The following GPC6 variants were observed in gnomAD, a reference collection of about 807,000 sequenced individuals.
The protein encoded by GPC6 is glypican 6, also known as glypican-6.
A neutral mutation model predicts 55.2 loss-of-function variants in GPC6; 14 were observed. That is an observed-to-expected ratio of 0.25 (90% CI 0.17 to 0.40). The LOEUF (loss-of-function observed/expected upper bound fraction) is 0.40. Among genes scored for constraint, GPC6 ranks in the 10% least tolerant of loss-of-function variants. The probability of loss-of-function intolerance (pLI) is 1.00; values close to 1 mark genes in which losing one functional copy is unlikely to be tolerated. For missense variants in GPC6, 641 were observed against 708.5 expected (o/e 0.90, Z 1.08); for synonymous variants, 278 against 259.6 (o/e 1.07, Z -0.68).
rs1042530471 is a variant in GPC6, at chr13:94,274,518, A to T, written c.878-11831A>T. On this transcript the variant is annotated intron_variant, in intron 4 of 8. Transcript: ENST00000377047. The stretch of plus-strand genomic sequence containing the variant: ...TGGGTACTATGATTTCTGTAGCTAC[A>T]TCTGATTCCTGTCATGGTGTGATCT... 1.3e-4 allele frequency among the ~76,000 whole-genome samples: 20 copies of T among 152,294 alleles called. 1 individual carries two copies. In the East Asian group the frequency reaches 3.9e-3, roughly 29 times the overall value.
intron 2 of GPC6, among the ~76,000 whole-genome samples, chr13:93,716,657 A>G (rs1451216491): frequency 6.6e-6 from 1 of 151,664 alleles, no homozygotes; most frequent in Admixed American, 6.6e-5. Context: ...AAACATTACA[A>G]TAAACTAAGG....
At chr13:93,758,532 GATA>G (rs1298782048) in intron 2 of GPC6, among the ~76,000 whole-genome samples, 2 of 151,852 alleles carry the variant, frequency 1.3e-5, no homozygotes, top group Non-Finnish European at 2.9e-5. Flanking sequence ...TGAGTGTTTT[GATA>G]ATAATCTCTG....
At chr13:93,989,335 C>T (rs191485946) in intron 3 of GPC6, among the ~76,000 whole-genome samples, 4 of 152,188 alleles carry the variant, frequency 2.6e-5, no homozygotes, top group Admixed American at 1.3e-4. Flanking sequence ...ATTGCCAGAG[C>T]CTATACTGAA....
intron 4 of GPC6, among the ~76,000 whole-genome samples, chr13:94,268,539 C>T (rs1033075241): frequency 6.6e-6 from 1 of 152,132 alleles, no homozygotes; most frequent in African/African-American, 2.4e-5. Context: ...AATAACCTTA[C>T]CTAAGTCTCT....
intron 1 of GPC6, among the ~76,000 whole-genome samples, chr13:93,506,509 G>A (rs1185842816): frequency 1.3e-5 from 2 of 152,198 alleles, no homozygotes; most frequent in East Asian, 1.9e-4. Flanking sequence ...TTACCAATAT[G>A]TACTTTCCTT....
chr13:94,399,408 GAGT>G (rs1269262384), intron 8 of GPC6, among the ~76,000 whole-genome samples: 1 of 152,226 alleles, frequency 6.6e-6, no homozygotes, highest in Non-Finnish European at 1.5e-5. Context: ...GGTTTTGTCT[GAGT>G]AGTTTCAAGA....
At chr13:93,756,380 G>C (rs1884770496) in intron 2 of GPC6, among the ~76,000 whole-genome samples, 1 of 152,100 alleles carries the variant, frequency 6.6e-6, no homozygotes. Flanking sequence ...TCACAGTGCA[G>C]TCTCTTCCCA....
chr13:93,340,025 T>C (rs1880189777), intron 1 of GPC6, among the ~76,000 whole-genome samples: 1 of 126,186 alleles, frequency 7.9e-6, no homozygotes, highest in African/African-American at 2.8e-5. Context: ...AAGTTTTCTT[T>C]CTTTTTTTTT....
At chr13:94,241,970 C>A (rs940450086) in intron 4 of GPC6, among the ~76,000 whole-genome samples, 2 of 151,652 alleles carry the variant, frequency 1.3e-5, no homozygotes, top group Non-Finnish European at 1.5e-5. Context: ...GCACAACGTG[C>A]AGGTTTGTTA....
intron 4 of GPC6, among the ~76,000 whole-genome samples, chr13:94,142,029 C>T (rs1261810478): frequency 1.3e-5 from 2 of 150,806 alleles, no homozygotes; most frequent in African/African-American, 2.4e-5. Flanking sequence ...TATCCTCTTT[C>T]TGAAATCTTA....
intron 4 of GPC6, among the ~76,000 whole-genome samples, chr13:94,178,507 C>G (rs995628476): frequency 1.3e-5 from 2 of 152,176 alleles, no homozygotes; most frequent in Non-Finnish European, 2.9e-5. Context: ...AAAGGAAATA[C>G]ACTAGACTAC....
intron 1 of GPC6, among the ~76,000 whole-genome samples, chr13:93,405,011 G>A (rs943349404): frequency 6.6e-6 from 1 of 152,134 alleles, no homozygotes; most frequent in African/African-American, 2.4e-5. Flanking sequence ...ATTGAGGAAA[G>A]CTATTCTATT....
intron 1 of GPC6, among the ~76,000 whole-genome samples, chr13:93,484,949 T>C (rs2139346422): frequency 6.6e-6 from 1 of 152,320 alleles, no homozygotes; most frequent in East Asian, 1.9e-4. Context: ...CATTAAAATA[T>C]ACATACAGCA....
intron 1 of GPC6, among the ~76,000 whole-genome samples, chr13:93,232,973 C>G (rs957589005): frequency 1.3e-5 from 2 of 152,104 alleles, no homozygotes; most frequent in Non-Finnish European, 2.9e-5. Context: ...CAAATTACTT[C>G]TAGAAAGGCC....
chr13:93,932,752 C>T (rs115859758), intron 3 of GPC6, among the ~76,000 whole-genome samples: 2,405 of 152,080 alleles, frequency 0.016, 72 homozygotes, highest in African/African-American at 0.055. Context: ...GTCACCTAAT[C>T]GTGGACATAG....
chr13:93,918,711 G>A (rs1368481615), intron 3 of GPC6, among the ~76,000 whole-genome samples: 1 of 152,136 alleles, frequency 6.6e-6, no homozygotes, highest in Non-Finnish European at 1.5e-5. Flanking sequence ...AGGGACTCTA[G>A]CCCCTGCGAA....
At chr13:94,387,872 T>C (rs1339103870) in intron 7 of GPC6, among the ~76,000 whole-genome samples, 1 of 152,078 alleles carries the variant, frequency 6.6e-6, no homozygotes, top group Non-Finnish European at 1.5e-5. Context: ...GTCCCAAGAA[T>C]TGTGAGAAAT....
intron 4 of GPC6, among the ~76,000 whole-genome samples, chr13:94,199,714 T>C (rs1386894278): frequency 6.6e-6 from 1 of 152,234 alleles, no homozygotes; most frequent in Non-Finnish European, 1.5e-5. Context: ...AGTGCTTGGT[T>C]CATGGCAAGC....
chr13:93,933,232 G>C (rs1276620818), intron 3 of GPC6, among the ~76,000 whole-genome samples: 1 of 152,062 alleles, frequency 6.6e-6, no homozygotes, highest in Non-Finnish European at 1.5e-5. Context: ...GAAATGTCTG[G>C]AGACATTTTT....
Sources: allele counts gnomAD v4.1 joint callset (sites outside exome capture counted in the v4.1 genomes callset), GRCh38; gene constraint gnomAD v4.1.1; transcripts MANE v1.5; gene names NCBI Gene and HGNC (gene_info 2026-07-23, HGNC 2026-07-21).